Variants in ZPBP observed in about 807,000 individuals in gnomAD.
The protein encoded by ZPBP is zona pellucida-binding protein 1.
A neutral mutation model predicts 44.8 loss-of-function variants in ZPBP; 26 were observed. The observed-to-expected ratio is 0.58, with a 90% CI of 0.43 to 0.81. The LOEUF (loss-of-function observed/expected upper bound fraction) is 0.81. Among genes scored for constraint, ZPBP ranks in the 30% least tolerant of loss-of-function variants. The pLI is 0.00. For synonymous variants in ZPBP, 174 were observed against 153.2 expected, an observed-to-expected ratio of 1.14 and a Z score of -1.00; for missense variants, 409 against 434.0, an observed-to-expected ratio of 0.94 and a Z score of 0.51.
At chr7:50,087,575 A>C (rs538953565) in intron 2 of ZPBP, among the ~76,000 whole-genome samples, 1 of 152,016 alleles carries the variant, frequency 6.6e-6, no homozygotes, top group African/African-American at 2.4e-5. Context: ...GTGAAAACTT[A>C]TATCGGTTTT....
chr7:49,970,091 C>A (rs749000953), intron 7 of ZPBP, among the ~76,000 whole-genome samples: 14 of 152,244 alleles, frequency 9.2e-5, no homozygotes, highest in Non-Finnish European at 1.8e-4. Context: ...GAACTCCCGA[C>A]CTCAAGTGAT....
intron 2 of ZPBP, among the ~76,000 whole-genome samples, chr7:49,851,010 G>T (rs1037094597): frequency 2.0e-5 from 3 of 152,156 alleles, no homozygotes; most frequent in African/African-American, 7.2e-5. Context: ...TTACTCGTCC[G>T]CAATTCTGCA....
chr7:49,937,410 AAAT>A, downstream of ZPBP: 1 of 800,208 alleles, frequency 1.2e-6, no homozygotes, highest in Non-Finnish European at 2.1e-6. Flanking sequence ...TATTTGATTA[AAAT>A]GATGACACAT....
chr7:49,853,598 T>C (rs1790286767), intron 2 of ZPBP, among the ~76,000 whole-genome samples: 1 of 152,158 alleles, frequency 6.6e-6, no homozygotes, highest in African/African-American at 2.4e-5. Flanking sequence ...AGAATTTACA[T>C]AAAGTATGTT....
chr7:50,009,515 G>A (rs1192447495), intron 6 of ZPBP, among the ~76,000 whole-genome samples: 1 of 151,812 alleles, frequency 6.6e-6, no homozygotes, highest in African/African-American at 2.4e-5. Flanking sequence ...CCTACCACAA[G>A]GCCTCCTGCT....
At chr7:49,960,354 G>C (rs1229735194) in intron 7 of ZPBP, among the ~76,000 whole-genome samples, 2 of 151,934 alleles carry the variant, frequency 1.3e-5, no homozygotes, top group Admixed American at 1.3e-4. Context: ...CTGGGAGAAA[G>C]AGGTTGCAAT....
chr7:50,030,562 G>A (rs1419849009), intron 5 of ZPBP, among the ~76,000 whole-genome samples: 2 of 151,902 alleles, frequency 1.3e-5, no homozygotes, highest in African/African-American at 4.8e-5. Flanking sequence ...GAGATGAAAG[G>A]GGAAGGGTGC....
intron 1 of ZPBP, chr7:49,917,430 A>G (rs559501387): frequency 2.8e-4 from 43 of 152,226 alleles, no homozygotes; most frequent in Non-Finnish European, 6.0e-4. Flanking sequence ...ATGTGCTCTC[A>G]GTGCTTGGCC....
chr7:49,937,128 C>T (rs1479386127), downstream of ZPBP, among the ~76,000 whole-genome samples: 2 of 151,902 alleles, frequency 1.3e-5, no homozygotes, highest in East Asian at 1.9e-4. Flanking sequence ...GAATAAAATC[C>T]TATAAATTTA....
At chr7:49,850,935 C>T (rs1276768382) in intron 2 of ZPBP, among the ~76,000 whole-genome samples, 1 of 152,224 alleles carries the variant, frequency 6.6e-6, no homozygotes, top group Non-Finnish European at 1.5e-5. Flanking sequence ...GCTCCATTAG[C>T]TCCCTGGGGC....
chr7:49,905,263 TATC>T (rs1301840722), intron 1 of ZPBP, among the ~76,000 whole-genome samples: 1 of 152,210 alleles, frequency 6.6e-6, no homozygotes, highest in African/African-American at 2.4e-5. Context: ...AGACAGTACT[TATC>T]ATGAGAGTAC....
chr7:49,981,349 A>AATATATAATATATAATT (rs1796885752), intron 7 of ZPBP, among the ~76,000 whole-genome samples: 1 of 36,060 alleles, frequency 2.8e-5, no homozygotes, highest in South Asian at 8.7e-4. Flanking sequence ...TATATTATAT[A>AATATATAATATATAATT]ATATATATTA....
chr7:49,977,821 T>C (rs1204549844), intron 7 of ZPBP, among the ~76,000 whole-genome samples: 1 of 152,166 alleles, frequency 6.6e-6, no homozygotes, highest in Non-Finnish European at 1.5e-5. Flanking sequence ...TATTCTGACA[T>C]TCTATGTGTT....
At chr7:49,973,281 G>C (rs761274985) in intron 7 of ZPBP, among the ~76,000 whole-genome samples, 2 of 150,906 alleles carry the variant, frequency 1.3e-5, no homozygotes, top group South Asian at 2.1e-4. Flanking sequence ...TGATGACACT[G>C]AATTTGGCAA....
intron 7 of ZPBP, among the ~76,000 whole-genome samples, chr7:49,963,873 T>C (rs1032498158): frequency 1.3e-5 from 2 of 151,678 alleles, no homozygotes; most frequent in Non-Finnish European, 3.0e-5. Context: ...GCCCAACTTG[T>C]TTTTGAAAGG....
intron 2 of ZPBP, among the ~76,000 whole-genome samples, chr7:49,886,969 G>A (rs559629364): frequency 2.2e-4 from 33 of 150,802 alleles, no homozygotes; most frequent in African/African-American, 7.3e-4. Flanking sequence ...TGTCTTGTTT[G>A]CCTTTACCTT....
At chr7:49,864,931 T>C (rs905094367) in intron 2 of ZPBP, among the ~76,000 whole-genome samples, 10 of 152,230 alleles carry the variant, frequency 6.6e-5, no homozygotes, top group African/African-American at 2.2e-4. Flanking sequence ...ACGTTTCTAA[T>C]GAAGCTGGTT....
chr7:49,945,257 C>A (rs1348059298), intron 7 of ZPBP, among the ~76,000 whole-genome samples: 2 of 152,002 alleles, frequency 1.3e-5, no homozygotes, highest in Non-Finnish European at 2.9e-5. Flanking sequence ...TGATTTGTGG[C>A]CTAACATATG....
At chr7:50,072,416 AT>A (rs1161573289) in intron 3 of ZPBP, among the ~76,000 whole-genome samples, 1 of 152,210 alleles carries the variant, frequency 6.6e-6, no homozygotes, top group Non-Finnish European at 1.5e-5. Context: ...CCACCAAGGG[AT>A]TGGGGGACCT....
Sources: allele counts gnomAD v4.1 joint callset (sites outside exome capture counted in the v4.1 genomes callset), GRCh38; gene constraint gnomAD v4.1.1; transcripts MANE v1.5; gene names NCBI Gene and HGNC (gene_info 2026-07-23, HGNC 2026-07-21).